The following RRM1 variants were observed in gnomAD, a reference collection of about 807,000 sequenced individuals.
RRM1 encodes ribonucleoside-diphosphate reductase large subunit.
A neutral mutation model predicts 101.5 loss-of-function variants in RRM1; 19 were observed. The ratio of observed to expected loss-of-function variants is 0.19; its 90% CI spans 0.13 to 0.27. The LOEUF (loss-of-function observed/expected upper bound fraction) is 0.27. Ranked by LOEUF, RRM1 falls within the 10% of genes least tolerant of loss-of-function variation. The pLI is 1.00. For missense variants in RRM1, 500 were observed against 962.9 expected (o/e 0.52, Z 6.36); for synonymous variants, 298 against 323.4 (o/e 0.92, Z 0.84).
rs141399543 is a variant in RRM1 at position 4,133,729 on chromosome 11, A to G, written c.2001+71A>G. On this transcript the variant is annotated intron_variant, in intron 17 of 18. Coordinates refer to ENST00000300738, the MANE Select transcript of RRM1 (RefSeq NM_001033.5). ...ATTGTGGTACCTCCTCACTCATGCTAGACAATGGAGAGAATGACTTCATTG... is the reference window on the plus strand; with the variant it reads ...ATTGTGGTACCTCCTCACTCATGCTGGACAATGGAGAGAATGACTTCATTG... The G allele has an allele frequency of 1.7e-3, 1,392 of 822,200 alleles. 5 individuals carry two copies. Among genetic ancestry groups the G allele is most frequent in the Middle Eastern group, 4.3e-3 (19 of 4,418 alleles). The allele number at this position is 822,200 out of a possible 1,614,324, so 50.9% of individuals were successfully genotyped here.
intron 7 of RRM1, among the ~76,000 whole-genome samples, chr11:4,117,181 C>T (rs1011100457): frequency 3.3e-5 from 5 of 152,228 alleles, no homozygotes; most frequent in African/African-American, 9.6e-5. Context: ...ATGTGGAGCA[C>T]AAGGAAATCT....
chr11:4,114,492 G>C (rs1228439039), intron 7 of RRM1, among the ~76,000 whole-genome samples: 1 of 150,636 alleles, frequency 6.6e-6, no homozygotes, highest in Admixed American at 6.6e-5. Context: ...GGAGGTTGCA[G>C]TGAGCCAACA....
chr11:4,115,024 T>A (rs1198435084), intron 7 of RRM1, among the ~76,000 whole-genome samples: 2 of 152,164 alleles, frequency 1.3e-5, no homozygotes, highest in Admixed American at 6.5e-5. Flanking sequence ...TTTAAGTTTT[T>A]TAGAAATTTC....
intron 11 of RRM1, 57 bp from the exon 12 acceptor site, chr11:4,123,126 C>A: frequency 7.5e-7 from 1 of 1,325,784 alleles, no homozygotes; most frequent in South Asian, 1.4e-5. Flanking sequence ...TTCAAGTTGT[C>A]TACAATAAAG....
chr11:4,102,740 G>A (rs2133287791), intron 2 of RRM1, among the ~76,000 whole-genome samples: 1 of 151,470 alleles, frequency 6.6e-6, no homozygotes, highest in East Asian at 1.9e-4. Flanking sequence ...TTTGTTTTTT[G>A]TTATTTATGT....
chr11:4,134,509 A>AGAT (rs1242184956), intron 17 of RRM1, among the ~76,000 whole-genome samples: 2 of 152,224 alleles, frequency 1.3e-5, no homozygotes. Flanking sequence ...TTAGCAACAC[A>AGAT]GATGAAGAGT....
intron 1 of RRM1, among the ~76,000 whole-genome samples, chr11:4,097,639 T>G (rs1468278830): frequency 6.6e-6 from 1 of 152,182 alleles, no homozygotes; most frequent in Non-Finnish European, 1.5e-5. Context: ...TCATCCAGGC[T>G]GGAGTGCAGT....
At chr11:4,115,684 G>A (rs1483129478) in intron 7 of RRM1, among the ~76,000 whole-genome samples, 1 of 152,040 alleles carries the variant, frequency 6.6e-6, no homozygotes, top group Admixed American at 6.6e-5. Context: ...AGCCTCCTGA[G>A]TAGCTGGGAT....
At chr11:4,101,562 C>CCCCCA (rs1554973342) in intron 1 of RRM1, among the ~76,000 whole-genome samples, 1 of 54,428 alleles carries the variant, frequency 1.8e-5, no homozygotes, top group Admixed American at 1.7e-4. Context: ...GATCCACACC[C>CCCCCA]CCCCCCGCTC....
intron 7 of RRM1, among the ~76,000 whole-genome samples, chr11:4,113,655 C>A (rs1245274397): frequency 1.3e-5 from 2 of 152,142 alleles, no homozygotes; most frequent in African/African-American, 4.8e-5. Flanking sequence ...ATACAGTATA[C>A]TTAGGTAAGC....
chr11:4,097,897 G>A (rs1469819259), intron 1 of RRM1, among the ~76,000 whole-genome samples: 8 of 152,178 alleles, frequency 5.3e-5, no homozygotes, highest in Admixed American at 6.5e-5. Flanking sequence ...AATTGTTAGG[G>A]ATTTAGGAAC....
Position 4,122,123 on chromosome 11 carries a change from T to C in RRM1, c.1039-18T>C. The C allele has an allele frequency of 6.2e-7, 1 of 1,600,830 alleles. No individual in the cohort carries two copies. Among genetic ancestry groups the C allele is most frequent in the Middle Eastern group, 1.7e-4 (1 of 6,032 alleles). On this transcript the variant is annotated intron_variant, in intron 10 of 18. Coordinates refer to ENST00000300738, the MANE Select transcript of RRM1 (RefSeq NM_001033.5). ...TATTTGAAGTTTCTTATGAGTGATT[T>C]TGTCCTTTCCTTTTTAGGACTGGTC...
chr11:4,130,066 T>TATATA (rs1554976190), intron 15 of RRM1, among the ~76,000 whole-genome samples: 1,612 of 32,748 alleles, frequency 0.049, 72 homozygotes, highest in Admixed American at 0.077. Flanking sequence ...TGTACTGTAT[T>TATATA]TATATATATA....
intron 15 of RRM1, among the ~76,000 whole-genome samples, chr11:4,129,812 C>G (rs1330827561): frequency 6.6e-6 from 1 of 151,500 alleles, no homozygotes; most frequent in African/African-American, 2.4e-5. Flanking sequence ...CTTTAAAATG[C>G]TCTTTAAAAA....
rs2094576976 is a variant in RRM1 at position 4,118,448 on chromosome 11, G to T, written c.779G>T (p.Ser260Ile). ...GTGAGTTGTATTCGGGCTACTGGCA[G>T]CTACATTGCTGGGGTAGGTTTCTGC... Reference protein sequence around the residue: ...VAVSCIRATGSYIAGTNGNSN... With the variant: ...VAVSCIRATGIYIAGTNGNSN... The change falls in exon 8 of 19, where the codon AGC becomes ATC. Residue 260 changes from serine (S) to isoleucine (I), a missense_variant. This residue lies in a region of RRM1 where 111 missense variants were observed against 219.8 expected (regional missense o/e 0.51). Transcript: ENST00000300738. 6.2e-7 allele frequency: 1 copy of T among 1,613,942 alleles called. No individual in the cohort carries two copies. The highest frequency in any genetic ancestry group is 8.5e-7 in the Non-Finnish European group (1 of 1,179,962).
At chr11:4,100,570 ATAGT>A (rs1173956705) in intron 1 of RRM1, among the ~76,000 whole-genome samples, 1 of 152,246 alleles carries the variant, frequency 6.6e-6, no homozygotes, top group African/African-American at 2.4e-5. Flanking sequence ...TACTCAGCCT[ATAGT>A]TACAATGGAT....
chr11:4,102,228 A>AT (rs58075299), intron 2 of RRM1, 147 bp downstream of exon 2: 408 of 563,376 alleles, frequency 7.2e-4, no homozygotes, highest in Admixed American at 9.2e-4. Context: ...TGCTTAAAAC[A>AT]TTTTTTTTTC....
At chr11:4,108,380 C>T (rs1156602776) in intron 4 of RRM1, among the ~76,000 whole-genome samples, 5 of 151,998 alleles carry the variant, frequency 3.3e-5, no homozygotes, top group Non-Finnish European at 7.4e-5. Flanking sequence ...GGGTGGATCA[C>T]GGGGTCAGGA....
At chr11:4,095,493 C>T (rs557519994) in intron 1 of RRM1, among the ~76,000 whole-genome samples, 127 of 149,986 alleles carry the variant, frequency 8.5e-4, no homozygotes, top group African/African-American at 3.0e-3. Flanking sequence ...GGCACAGGGT[C>T]GGGGGGCAGC....
Sources: gnomAD v4.1 joint callset for allele counts (sites outside exome capture counted in the v4.1 genomes callset) on GRCh38, gnomAD v4.1.1 for gene constraint, gnomAD v4.1.1 regional missense constraint, MANE v1.5 for transcripts, NCBI Gene and HGNC (gene_info 2026-07-23, HGNC 2026-07-21) for gene names.